The following MAP4K3 variants were observed in gnomAD, a reference collection of about 807,000 sequenced individuals.
MAP4K3 encodes MAPK/ERK kinase kinase kinase 3.
Under a neutral mutation model 143.5 loss-of-function variants are expected in MAP4K3, and 94 were observed. The observed-to-expected ratio is 0.65, with a 90% CI of 0.55 to 0.78. The LOEUF (loss-of-function observed/expected upper bound fraction) is 0.78. Ranked by LOEUF, MAP4K3 falls within the 30% of genes least tolerant of loss-of-function variation. MAP4K3 has a pLI of 0.00. For synonymous variants in MAP4K3, 416 were observed against 347.2 expected (o/e 1.20, Z -2.20); for missense variants, 1,077 against 1,068.1 (o/e 1.01, Z -0.12).
At chr2:39,287,992 T>C in intron 20 of MAP4K3, 129 bp downstream of exon 20, 1 of 1,096,950 alleles carries the variant, frequency 9.1e-7, no homozygotes, top group Non-Finnish European at 1.3e-6. Flanking sequence ...GCAGAAAACA[T>C]CTCCATAGCC....
At chr2:39,327,184 C>A (rs1683519280) in intron 8 of MAP4K3, among the ~76,000 whole-genome samples, 3 of 152,136 alleles carry the variant, frequency 2.0e-5, no homozygotes, top group Admixed American at 6.5e-5. Flanking sequence ...AAAACTGCGA[C>A]CAGGCAATCC....
At position 39,250,725 on chromosome 2, in the gene MAP4K3, T is replaced by C. The variant is rs748535236; in HGVS notation, c.2598-20A>G. On this transcript the variant is annotated intron_variant, in intron 33 of 33. Coordinates refer to ENST00000263881, the MANE Select transcript of MAP4K3 (RefSeq NM_003618.4). Reference sequence around the variant, plus strand: ...ACGACCCTGAAAGTAATAAAAAACATATAACAAAACAAAGTTATTCCTGAA... The same window carrying C: ...ACGACCCTGAAAGTAATAAAAAACACATAACAAAACAAAGTTATTCCTGAA... The C allele has an allele frequency of 1.2e-6, 2 of 1,600,670 alleles. No individual in the cohort carries two copies. Among genetic ancestry groups the C allele is most frequent in the African/African-American group, 1.3e-5 (1 of 74,600 alleles).
chr2:39,329,708 G>C (rs962129176), intron 8 of MAP4K3, among the ~76,000 whole-genome samples: 31 of 152,146 alleles, frequency 2.0e-4, no homozygotes, highest in Admixed American at 2.0e-3. Context: ...AGAGACACCA[G>C]GAACCAAGGA....
In MAP4K3 at chr2:39,350,661, C is replaced by T. The variant is rs545739487; in HGVS notation, c.245+5588G>A. Among the ~76,000 whole-genome samples, 143 of 152,206 alleles carry T rather than the reference C, an allele frequency of 9.4e-4. 1 individual carries two copies. Among genetic ancestry groups the T allele is most frequent in the African/African-American group, 3.1e-3 (128 of 41,526 alleles). On this transcript the variant is annotated intron_variant, in intron 3 of 33. Transcript: ENST00000263881. The stretch of plus-strand genomic sequence containing the variant: ...TAACTCAAGAGACCAACATCTCTTT[C>T]CTGGATTACTGTAATAAATACACCA...
intron 2 of MAP4K3, among the ~76,000 whole-genome samples, chr2:39,363,527 G>C (rs1277679560): frequency 6.6e-6 from 1 of 152,084 alleles, no homozygotes; most frequent in African/African-American, 2.4e-5. Context: ...AAATTAGCTG[G>C]GCATAGTGGC....
rs192726904 is a variant in MAP4K3 at position 39,292,953 on chromosome 2, A to G, written c.1218-127T>C. ...TATTTCTGCATCTTTATAGGATAGG[A>G]TAGATTCAGAATTAAAACAAGGAAC... is the stretch of plus-strand genomic sequence containing the variant. On this transcript the variant is annotated intron_variant, in intron 17 of 33. Transcript: ENST00000263881. The G allele has an allele frequency of 6.3e-6, 5 of 789,712 alleles. No individual in the cohort carries two copies. In the East Asian group the frequency reaches 1.0e-4, roughly 16 times the overall value. 48.9% of individuals were successfully genotyped at this position (789,712 alleles called of 1,614,324 possible).
intron 1 of MAP4K3, among the ~76,000 whole-genome samples, chr2:39,426,752 C>G (rs1056810964): frequency 1.3e-5 from 2 of 151,754 alleles, no homozygotes; most frequent in African/African-American, 2.4e-5. Flanking sequence ...AAGTTTCAAA[C>G]AGCAGATTAG....
chr2:39,299,833 T>C, intron 15 of MAP4K3, 32 bp from the exon 16 acceptor site: 2 of 1,176,644 alleles, frequency 1.7e-6, no homozygotes, highest in Non-Finnish European at 2.4e-6. Context: ...TTTAGCACAA[T>C]AGTAGTATAT....
At chr2:39,389,863 T>C (rs986935398) in intron 1 of MAP4K3, among the ~76,000 whole-genome samples, 33 of 152,032 alleles carry the variant, frequency 2.2e-4, no homozygotes, top group Non-Finnish European at 3.2e-4. Context: ...GAGATAAACA[T>C]TGATGACTGT....
At chr2:39,272,668 T>C (rs1043081959) in intron 24 of MAP4K3, 126 bp from the exon 25 acceptor site, 1 of 674,052 alleles carries the variant, frequency 1.5e-6, no homozygotes, top group Non-Finnish European at 2.6e-6. Flanking sequence ...ATTTTTAACA[T>C]AAATTAACTT....
At chr2:39,430,731 A>G (rs1034930316) in intron 1 of MAP4K3, among the ~76,000 whole-genome samples, 1 of 152,246 alleles carries the variant, frequency 6.6e-6, no homozygotes, top group African/African-American at 2.4e-5. Flanking sequence ...CTTCATATGC[A>G]TATAACAATT....
rs570333454 is a variant in MAP4K3, at chr2:39,338,520, C to G, written c.311-939G>C. Among the ~76,000 whole-genome samples, 3 of 152,304 alleles carry G rather than the reference C, an allele frequency of 2.0e-5. No individual in the cohort carries two copies. In the South Asian group the frequency reaches 6.2e-4, roughly 32 times the overall value. On this transcript the variant is annotated intron_variant, in intron 4 of 33. Transcript: ENST00000263881. ...CTATTTTAAACGGACATTTTATAAA[C>G]TATTTGTATCTCAGAAACTTTACAT...
intron 16 of MAP4K3, 97 bp downstream of exon 16, chr2:39,299,646 C>G (rs1421665211): frequency 2.7e-5 from 15 of 557,294 alleles, no homozygotes; most frequent in Non-Finnish European, 4.1e-5. Flanking sequence ...TATCTACCAG[C>G]CTAATACAAT....
intron 7 of MAP4K3, 136 bp downstream of exon 7, chr2:39,333,396 T>G: frequency 1.5e-6 from 1 of 652,268 alleles, no homozygotes; most frequent in Non-Finnish European, 2.8e-6. Flanking sequence ...GGTGACAGCA[T>G]GGCAACGAGA....
At chr2:39,345,133 G>A (rs1665250367) in intron 3 of MAP4K3, among the ~76,000 whole-genome samples, 1 of 152,140 alleles carries the variant, frequency 6.6e-6, no homozygotes, top group Admixed American at 6.5e-5. Context: ...AGTAACACAG[G>A]AGTCTGAGGG....
At chr2:39,290,733 T>A (rs1682008133) in intron 18 of MAP4K3, among the ~76,000 whole-genome samples, 1 of 152,208 alleles carries the variant, frequency 6.6e-6, no homozygotes, top group African/African-American at 2.4e-5. Context: ...ACTTACAGTA[T>A]GTAAGTATTA....
In MAP4K3 at chr2:39,250,574, A is replaced by G; in HGVS notation, c.*44T>C. On this transcript the variant is annotated 3_prime_UTR_variant, in exon 34 of 34. Transcript: ENST00000263881. ...AAGCATCCATTAATGTTGCAGTGGTAGTGTTCTTTCTTTCTAGAGTTAACT... is the reference window on the plus strand; with the variant it reads ...AAGCATCCATTAATGTTGCAGTGGTGGTGTTCTTTCTTTCTAGAGTTAACT... The G allele has an allele frequency of 6.6e-7, 1 of 1,521,364 alleles. No homozygotes were observed. The highest frequency in any genetic ancestry group is 9.1e-7 in the Non-Finnish European group (1 of 1,097,394). 94.2% of individuals were successfully genotyped at this position (1,521,364 alleles called of 1,614,324 possible).
intron 13 of MAP4K3, among the ~76,000 whole-genome samples, chr2:39,314,289 C>T (rs148082437): frequency 0.034 from 5,115 of 152,268 alleles, 126 homozygotes; most frequent in South Asian, 0.058. Context: ...CTCGGCCTCC[C>T]AAAGTGCTGG....
At chr2:39,410,198 A>G (rs1416207286) in intron 1 of MAP4K3, among the ~76,000 whole-genome samples, 1 of 152,202 alleles carries the variant, frequency 6.6e-6, no homozygotes, top group Non-Finnish European at 1.5e-5. Flanking sequence ...TTAAAGCAAC[A>G]GCTGATTTCT....
Sources: allele counts gnomAD v4.1 joint callset (sites outside exome capture counted in the v4.1 genomes callset), GRCh38; gene constraint gnomAD v4.1.1; transcripts MANE v1.5; gene names NCBI Gene and HGNC (gene_info 2026-07-23, HGNC 2026-07-21).